The following LHFPL5 variants were observed in gnomAD, a reference collection of about 807,000 sequenced individuals.
LHFPL5 encodes LHFPL tetraspan subfamily member 5.
Under a neutral mutation model 18.7 loss-of-function variants are expected in LHFPL5, and 12 were observed. The observed-to-expected ratio is 0.64, with a 90% confidence interval of 0.41 to 1.04. The LOEUF is 1.04. Ranked by LOEUF, LHFPL5 falls within the 50% of genes least tolerant of loss-of-function variation. The pLI, the probability that LHFPL5 is intolerant of heterozygous loss-of-function variation, is 0.00. For missense variants in LHFPL5, 259 were observed against 292.1 expected, an observed-to-expected ratio of 0.89 and a Z score of 0.83; for synonymous variants, 111 against 120.2, an observed-to-expected ratio of 0.92 and a Z score of 0.50.
chr6:35,823,569 G>T lies in LHFPL5; in HGVS notation c.*604G>T, dbSNP rs1768919042. 6.6e-6 allele frequency: 1 copy of T among 152,054 alleles called. No homozygotes were observed. The highest frequency in any genetic ancestry group is 1.5e-5 in the Non-Finnish European group (1 of 68,066). The allele number at this position is 152,054 out of a possible 1,614,324, so 9.4% of individuals were successfully genotyped here. A position where few individuals can be genotyped will look rare whatever the true frequency, so the allele number is the denominator to read the frequency against. On this transcript the variant is annotated 3_prime_UTR_variant, in exon 4 of 4. Transcript: ENST00000360215. ...GGACATGTGCTGGGTCATTTTTAGG[G>T]TGAGGTGTAGGGGGTCTTTTGCTTC...
Position 35,821,857 on chromosome 6 carries a change from ATTTTTTTTTTTTTTTTTT to A in LHFPL5, c.*17-1108_*17-1091del, listed in dbSNP as rs763639486. Among the ~76,000 whole-genome samples, 92 of 39,182 alleles carry A rather than the reference ATTTTTTTTTTTTTTTTTT, an allele frequency of 2.3e-3. 3 individuals carry two copies. The highest frequency in any genetic ancestry group is 6.9e-3 in the African/African-American group (78 of 11,352). 25.7% of individuals were successfully genotyped at this position (39,182 alleles called of 152,430 possible). A position where few individuals can be genotyped will look rare whatever the true frequency, so the allele number is the denominator to read the frequency against. On this transcript the variant is annotated intron_variant, in intron 3 of 3. Coordinates refer to ENST00000360215, the MANE Select transcript of LHFPL5 (RefSeq NM_182548.4). ...AACTCCACAGCACTGGTGTACCACAATTTTTTTTTTTTTTTTTTTTTTTTTTTTTTTTTTGAGACAGGG... is the reference window on the plus strand; with the variant it reads ...AACTCCACAGCACTGGTGTACCACAATTTTTTTTTTTTTTTTGAGACAGGG...
chr6:35,810,832 A>G (rs1389060394), intron 1 of LHFPL5, among the ~76,000 whole-genome samples: 2 of 151,306 alleles, frequency 1.3e-5, no homozygotes, highest in Non-Finnish European at 2.9e-5. Flanking sequence ...GTCTCAAAAA[A>G]AAAAAAAAAA....
intron 2 of LHFPL5, among the ~76,000 whole-genome samples, chr6:35,818,335 ATATATATATATATG>A (rs1320301044): frequency 0.043 from 326 of 7,638 alleles, 4 homozygotes; most frequent in Non-Finnish European, 0.11. Context: ...ATATATATAT[ATATATATATATATG>A]TATTTTTTTT....
At chr6:35,806,186 G>A in intron 1 of LHFPL5, 104 bp downstream of exon 1, 2 of 1,262,108 alleles carry the variant, frequency 1.6e-6, no homozygotes, top group Non-Finnish European at 2.2e-6. Context: ...AAATTTAGCT[G>A]TTCTCCTATA....
chr6:35,809,618 C>T (rs1768630406), intron 1 of LHFPL5, among the ~76,000 whole-genome samples: 1 of 152,180 alleles, frequency 6.6e-6, no homozygotes, highest in African/African-American at 2.4e-5. Context: ...ATCCTCCCTC[C>T]TCAGCCTCCC....
At chr6:35,812,402 C>T (rs1487003758) in intron 1 of LHFPL5, among the ~76,000 whole-genome samples, 1 of 152,108 alleles carries the variant, frequency 6.6e-6, no homozygotes, top group Non-Finnish European at 1.5e-5. Flanking sequence ...GGGGAGCACC[C>T]CCTGCCCGTG....
rs140179339 is a variant in LHFPL5 at position 35,819,994 on chromosome 6, A to T, written c.*16+531A>T. 1.8e-4 allele frequency among the ~76,000 whole-genome samples: 28 copies of T among 152,246 alleles called. 1 individual carries two copies. In the East Asian group the frequency reaches 5.4e-3, roughly 29 times the overall value. ...GCGCCTGGCCTTACTTGTGTCTTGA[A>T]AGGCGGAAAAAGATCAGGGAAAGAA... On this transcript the variant is annotated intron_variant, in intron 3 of 3. Transcript: ENST00000360215.
chr6:35,818,345 ATATGTATTTTT>A (rs1768803003), intron 2 of LHFPL5, among the ~76,000 whole-genome samples: 3 of 5,252 alleles, frequency 5.7e-4, no homozygotes, highest in Non-Finnish European at 1.5e-3. Flanking sequence ...ATATATATAT[ATATGTATTTTT>A]TTTTTTTTTT....
At position 35,805,820 on chromosome 6, in the gene LHFPL5, C is replaced by T. The variant is rs200638980; in HGVS notation, c.150C>T (p.Ile50=). The change falls in exon 1 of 4, where the codon ATC becomes ATT. Residue 50 remains isoleucine, a synonymous_variant. Transcript: ENST00000360215. This position sits in a 1 kb window ranked among gnomAD's most constrained non-coding sequence, Gnocchi z 4.3. ...CCCTCTTCATCCAGCCCTACTGGATCGGCGACAGCGTCAACACACCGCAGG... is the reference window on the plus strand; with the variant it reads ...CCCTCTTCATCCAGCCCTACTGGATTGGCGACAGCGTCAACACACCGCAGG... ...VMALFIQPYW[I]GDSVNTPQAG... is the part of the protein sequence containing the mutation. 15 of 1,614,258 alleles carry T rather than the reference C, an allele frequency of 9.3e-6. No homozygotes were observed. Among genetic ancestry groups the T allele is most frequent in the East Asian group, 6.7e-5 (3 of 44,886 alleles).
In LHFPL5 at chr6:35,819,501, A is replaced by AG. The variant is rs1237409310; in HGVS notation, c.*16+39dup. ...ATGGGAGGGTGGTCTGCGTGCCCTT[A>AG]GAAAGGCTGGGGCTCTCTGCTTCCT... On this transcript the variant is annotated intron_variant, in intron 3 of 3. Coordinates refer to ENST00000360215, the MANE Select transcript of LHFPL5 (RefSeq NM_182548.4). 31 of 1,599,766 alleles carry AG rather than the reference A, an allele frequency of 1.9e-5. No individual in the cohort carries two copies. The East Asian group carries it at 6.5e-4, about 33-fold the overall frequency.
Position 35,821,669 on chromosome 6 carries a change from C to CG in LHFPL5, c.*17-1309dup, listed in dbSNP as rs547454950. Among the ~76,000 whole-genome samples, 1,019 of 151,724 alleles carry CG rather than the reference C, an allele frequency of 6.7e-3. 14 individuals carry two copies. Among genetic ancestry groups the CG allele is most frequent in the African/African-American group, 0.023 (956 of 41,380 alleles). Reference sequence around the variant, plus strand: ...GCTAATTTTGTATTTTTAGTAGAGACGGGGTTTCTCCATGTTGGTCATGCT... The same window carrying CG: ...GCTAATTTTGTATTTTTAGTAGAGACGGGGGTTTCTCCATGTTGGTCATGCT... On this transcript the variant is annotated intron_variant, in intron 3 of 3. Coordinates refer to ENST00000360215, the MANE Select transcript of LHFPL5 (RefSeq NM_182548.4).
chr6:35,818,093 A>G (rs1447628970), intron 2 of LHFPL5, among the ~76,000 whole-genome samples: 1 of 152,222 alleles, frequency 6.6e-6, no homozygotes, highest in Non-Finnish European at 1.5e-5. Context: ...GTTAAATGAA[A>G]GGAACCAGAC....
At chr6:35,810,504 C>T (rs2151069874) in intron 1 of LHFPL5, among the ~76,000 whole-genome samples, 2 of 152,160 alleles carry the variant, frequency 1.3e-5, no homozygotes, top group African/African-American at 4.8e-5. Context: ...ATCATGATGT[C>T]AGGAGATCGA....
At chr6:35,821,857 A>ATTTTTT (rs763639486) in intron 3 of LHFPL5, among the ~76,000 whole-genome samples, 781 of 39,184 alleles carry the variant, frequency 0.02, 236 homozygotes, top group Non-Finnish European at 0.026. Flanking sequence ...GTGTACCACA[A>ATTTTTT]TTTTTTTTTT....
intron 2 of LHFPL5, among the ~76,000 whole-genome samples, chr6:35,815,353 G>T (rs968950569): frequency 6.6e-6 from 1 of 152,142 alleles, no homozygotes; most frequent in African/African-American, 2.4e-5. Flanking sequence ...GCTGATCCTT[G>T]AGGCCCAAGC....
chr6:35,811,616 C>A (rs1192232457), intron 1 of LHFPL5, among the ~76,000 whole-genome samples: 5 of 152,176 alleles, frequency 3.3e-5, no homozygotes, highest in Non-Finnish European at 5.9e-5. Context: ...CCGGAGCCCC[C>A]ACAGGAAGAT....
In LHFPL5 at chr6:35,823,779, A is replaced by T. The variant is rs1485516756; in HGVS notation, c.*814A>T. On this transcript the variant is annotated 3_prime_UTR_variant, in exon 4 of 4. Transcript: ENST00000360215. ...TATCACATTTCCTTATGGTGCCCACACTGACTCAACCAGAACTGGCTACCA... is the reference window on the plus strand; with the variant it reads ...TATCACATTTCCTTATGGTGCCCACTCTGACTCAACCAGAACTGGCTACCA... 1.3e-5 allele frequency: 2 copies of T among 152,064 alleles called. No homozygotes were observed. Among genetic ancestry groups the T allele is most frequent in the Non-Finnish European group, 2.9e-5 (2 of 68,030 alleles). 9.4% of individuals were successfully genotyped at this position (152,064 alleles called of 1,614,324 possible).
At position 35,818,941 on chromosome 6, in the gene LHFPL5, C is replaced by T. The variant is rs1024883435; in HGVS notation, c.650-496C>T. ...CCGCCTCTCATTTTCAAGCGATTCT[C>T]CTGCCTCAGCCTCCCAAACAGTTGG... On this transcript the variant is annotated intron_variant, in intron 2 of 3. Transcript: ENST00000360215. Among the ~76,000 whole-genome samples the T allele has an allele frequency of 7.2e-5, 11 of 152,172 alleles. No homozygotes were observed. The East Asian group carries it at 1.9e-3, about 27-fold the overall frequency.
At chr6:35,807,892 G>T (rs939986034) in intron 1 of LHFPL5, among the ~76,000 whole-genome samples, 1 of 152,086 alleles carries the variant, frequency 6.6e-6, no homozygotes, top group Non-Finnish European at 1.5e-5. Context: ...TATAATATCT[G>T]GAGGAGCCCC....
Sources: gnomAD v4.1 joint callset for allele counts (sites outside exome capture counted in the v4.1 genomes callset) on GRCh38, gnomAD v4.1.1 for gene constraint, Gnocchi (gnomAD v3.1) non-coding constraint, MANE v1.5 for transcripts, NCBI Gene and HGNC (gene_info 2026-07-23, HGNC 2026-07-21) for gene names.